MAN1A2: variants seen among roughly 807,000 people sequenced by gnomAD.
The protein encoded by MAN1A2 is mannosidase alpha class 1A member 2, also known as mannosyl-oligosaccharide 1,2-alpha-mannosidase IB.
Under a neutral mutation model 75.7 loss-of-function variants are expected in MAN1A2, and 26 were observed. That is an observed-to-expected ratio of 0.34 (90% CI 0.25 to 0.48). The LOEUF is 0.48. Ranked by LOEUF, MAN1A2 falls within the 20% of genes least tolerant of loss-of-function variation. The pLI is 0.99. For synonymous variants in MAN1A2, 247 were observed against 264.6 expected, an observed-to-expected ratio of 0.93 and a Z score of 0.65; for missense variants, 562 against 775.5, an observed-to-expected ratio of 0.72 and a Z score of 3.27.
chr1:117,413,860 A>G (rs1647900074), intron 3 of MAN1A2, among the ~76,000 whole-genome samples: 1 of 151,906 alleles, frequency 6.6e-6, no homozygotes, highest in Non-Finnish European at 1.5e-5. Context: ...TTTTTGCTGT[A>G]CTACTAGATT....
intron 3 of MAN1A2, among the ~76,000 whole-genome samples, chr1:117,406,657 A>C (rs1321797650): frequency 6.6e-6 from 1 of 152,178 alleles, no homozygotes; most frequent in Non-Finnish European, 1.5e-5. Context: ...ACTACTAGAG[A>C]CTTCATAATA....
intron 5 of MAN1A2, among the ~76,000 whole-genome samples, chr1:117,428,113 A>ATTTT (rs1160437910): frequency 8.8e-6 from 1 of 113,902 alleles, no homozygotes. Context: ...CTCTCTCTCT[A>ATTTT]TTTTTTTTTT....
chr1:117,421,442 T>C (rs1479470165), intron 5 of MAN1A2, among the ~76,000 whole-genome samples: 1 of 152,050 alleles, frequency 6.6e-6, no homozygotes, highest in Admixed American at 6.6e-5. Context: ...TAAAGGATTT[T>C]TTTTTCCCCC....
At chr1:117,408,024 TTG>T (rs1208216088) in intron 3 of MAN1A2, among the ~76,000 whole-genome samples, 1 of 152,196 alleles carries the variant, frequency 6.6e-6, no homozygotes, top group Non-Finnish European at 1.5e-5. Flanking sequence ...CATGTTCTTT[TTG>T]TTTTGCTTAG....
At chr1:117,420,881 C>T (rs1249247341) in intron 5 of MAN1A2, among the ~76,000 whole-genome samples, 4 of 151,992 alleles carry the variant, frequency 2.6e-5, no homozygotes, top group Non-Finnish European at 5.9e-5. Context: ...ACCATGTCTC[C>T]TTTGCAAGAG....
intron 1 of MAN1A2, among the ~76,000 whole-genome samples, chr1:117,370,950 T>A (rs1179045260): frequency 1.3e-5 from 2 of 152,176 alleles, no homozygotes; most frequent in African/African-American, 2.4e-5. Flanking sequence ...TATAGATTCA[T>A]ACCCTAGCTT....
At chr1:117,402,911 C>T (rs576733382) in intron 2 of MAN1A2, among the ~76,000 whole-genome samples, 7 of 152,102 alleles carry the variant, frequency 4.6e-5, no homozygotes, top group South Asian at 2.1e-4. Flanking sequence ...AGAACACATT[C>T]CTTCCAAAAA....
chr1:117,500,850 T>A (rs1053322181), intron 11 of MAN1A2, among the ~76,000 whole-genome samples: 1 of 151,858 alleles, frequency 6.6e-6, no homozygotes, highest in African/African-American at 2.4e-5. Context: ...CACACACTTC[T>A]ATTGTTAGCA....
At chr1:117,372,281 GT>G (rs1652988034) in intron 1 of MAN1A2, among the ~76,000 whole-genome samples, 1 of 152,156 alleles carries the variant, frequency 6.6e-6, no homozygotes, top group Non-Finnish European at 1.5e-5. Context: ...GTGGAGAAAA[GT>G]GGTTGAGTCA....
intron 7 of MAN1A2, among the ~76,000 whole-genome samples, chr1:117,462,333 A>G (rs950125864): frequency 6.6e-6 from 1 of 152,192 alleles, no homozygotes; most frequent in Non-Finnish European, 1.5e-5. Context: ...TGAAAAATGA[A>G]TTATGTTTAT....
Position 117,399,638 on chromosome 1 carries a change from A to C in MAN1A2, c.303-2548A>C, listed in dbSNP as rs139315771. 5.3e-3 allele frequency among the ~76,000 whole-genome samples: 814 copies of C among 152,290 alleles called. 21 individuals are homozygous for C. Among genetic ancestry groups the C allele is most frequent in the Admixed American group, 0.045 (689 of 15,302 alleles). On this transcript the variant is annotated intron_variant, in intron 1 of 12. Coordinates refer to ENST00000356554, the MANE Select transcript of MAN1A2 (RefSeq NM_006699.5). ...GTGGTGGTAACTCATGATAGCAAGC[A>C]CTTTCCCTCTTTCTCTTCTGTCCTG...
intron 2 of MAN1A2, among the ~76,000 whole-genome samples, 195 bp downstream of exon 2, chr1:117,402,636 G>T: frequency 6.7e-6 from 1 of 150,352 alleles, no homozygotes; most frequent in Non-Finnish European, 1.5e-5. Context: ...TGTAATTATT[G>T]GACACTTAAA....
intron 1 of MAN1A2, among the ~76,000 whole-genome samples, chr1:117,378,510 T>A (rs1356932779): frequency 6.6e-6 from 1 of 152,232 alleles, no homozygotes; most frequent in Non-Finnish European, 1.5e-5. Context: ...GATAGATTTT[T>A]AGTTTTTAGT....
In MAN1A2 at chr1:117,526,679, T is replaced by C. The variant is rs1652027570; in HGVS notation, c.*3722T>C. ...GGGTAAAACTTGCAGTTGTAAATTG[T>C]GTCTGCTCTGGTATGGGCCCTATTA... On this transcript the variant is annotated 3_prime_UTR_variant, in exon 13 of 13. Transcript: ENST00000356554. 1 of 151,296 alleles carries C rather than the reference T, an allele frequency of 6.6e-6. No homozygotes were observed. The highest frequency in any genetic ancestry group is 6.6e-5 in the Admixed American group (1 of 15,160). 9.4% of individuals were successfully genotyped at this position (151,296 alleles called of 1,614,324 possible).
At chr1:117,480,079 C>T (rs1458872278) in intron 8 of MAN1A2, among the ~76,000 whole-genome samples, 3 of 151,862 alleles carry the variant, frequency 2.0e-5, no homozygotes, top group Non-Finnish European at 4.4e-5. Context: ...GGCAGTGTTC[C>T]CACCAGTCCT....
intron 1 of MAN1A2, among the ~76,000 whole-genome samples, chr1:117,369,211 G>A (rs7540437): frequency 0.61 from 92,559 of 151,928 alleles, 28,516 homozygotes; most frequent in Non-Finnish European, 0.65. Context: ...AGCAACTATT[G>A]GAATTTGGTT....
At chr1:117,444,620 A>G (rs1216491022) in intron 6 of MAN1A2, among the ~76,000 whole-genome samples, 1 of 152,036 alleles carries the variant, frequency 6.6e-6, no homozygotes, top group East Asian at 1.9e-4. Flanking sequence ...TTTTCTGACT[A>G]GTGAATTTTG....
chr1:117,427,476 A>C (rs940988915), intron 5 of MAN1A2, among the ~76,000 whole-genome samples: 22 of 152,224 alleles, frequency 1.4e-4, no homozygotes, highest in Non-Finnish European at 3.2e-4. Context: ...TTTATTAAAA[A>C]TGAATGGAGC....
At position 117,466,422 on chromosome 1, in the gene MAN1A2, G is replaced by A; in HGVS notation, c.1163G>A (p.Gly388Asp). The A allele has an allele frequency of 1.3e-6, 2 of 1,590,180 alleles. No individual in the cohort carries two copies. Among genetic ancestry groups the A allele is most frequent in the Non-Finnish European group, 1.7e-6 (2 of 1,165,412 alleles). The change falls in exon 8 of 13, where the codon GGT becomes GAT. Residue 388 changes from glycine (G) to aspartate (D), a missense_variant. Transcript: ENST00000356554. ...TTGAACCCCAGAACAGGGCGCTGGG[G>A]TCAGTGTAAGTATTCTAGTATACCT... ...NYLNPRTGRW[G>D]QYHTSVGGLG...
Sources: allele counts gnomAD v4.1 joint callset (sites outside exome capture counted in the v4.1 genomes callset), GRCh38; gene constraint gnomAD v4.1.1; transcripts MANE v1.5; gene names NCBI Gene and HGNC (gene_info 2026-07-23, HGNC 2026-07-21).